HAUS6: variants seen among roughly 807,000 people sequenced by gnomAD.
The protein encoded by HAUS6 is HAUS augmin-like complex subunit 6.
A neutral mutation model predicts 106.8 loss-of-function variants in HAUS6; 80 were observed. The ratio of observed to expected loss-of-function variants is 0.75; its 90% CI spans 0.63 to 0.90. HAUS6 has a LOEUF of 0.90. Among genes scored for constraint, HAUS6 ranks in the 40% least tolerant of loss-of-function variants. HAUS6 has a pLI of 0.00. For missense variants in HAUS6, 1,155 were observed against 1,118.1 expected (o/e 1.03, Z -0.47); for synonymous variants, 356 against 379.1 (o/e 0.94, Z 0.71).
chr9:19,082,053 T>A (rs1421628250), intron 8 of HAUS6, among the ~76,000 whole-genome samples: 1 of 152,200 alleles, frequency 6.6e-6, no homozygotes, highest in Admixed American at 6.5e-5. Flanking sequence ...AATAACTGGA[T>A]GGAGTTTGGG....
At chr9:19,063,752 C>T (rs1481618275) in intron 12 of HAUS6, 172 bp from the exon 13 acceptor site, 2 of 753,418 alleles carry the variant, frequency 2.7e-6, no homozygotes, top group African/African-American at 3.4e-5. Context: ...ACAAGTAGAG[C>T]AGTATTTCAG....
At chr9:19,098,506 T>G (rs1817910903) in intron 1 of HAUS6, among the ~76,000 whole-genome samples, 1 of 151,890 alleles carries the variant, frequency 6.6e-6, no homozygotes, top group Non-Finnish European at 1.5e-5. Context: ...TATAGCCAGG[T>G]CCAATACAGT....
At chr9:19,060,619 A>C (rs1836591311) in intron 14 of HAUS6, among the ~76,000 whole-genome samples, 1 of 152,206 alleles carries the variant, frequency 6.6e-6, no homozygotes, top group South Asian at 2.1e-4. Context: ...CTCAATTATA[A>C]TCAATTTGGA....
chr9:19,064,195 G>T (rs191971280), intron 12 of HAUS6, among the ~76,000 whole-genome samples: 1 of 152,080 alleles, frequency 6.6e-6, no homozygotes, highest in Non-Finnish European at 1.5e-5. Context: ...TCAAACTCCC[G>T]ACCTCAGGTG....
In HAUS6 at chr9:19,089,452, T is replaced by C. The variant is rs900850080; in HGVS notation, c.544A>G (p.Arg182Gly). The change falls in exon 5 of 17, where the codon AGA (arginine) becomes GGA (glycine). Residue 182 changes from arginine (R) to glycine (G), a missense_variant. Transcript: ENST00000380502. ...ARSRFLQILQ[R>G]QDCVTQKYQE... ...TATTTTTGGGTAACACAATCTTGTC[T>C]TTGCAAAATTTGTAAAAATCTGCTA... 3 of 1,611,952 alleles carry C rather than the reference T, an allele frequency of 1.9e-6. No individual in the cohort carries two copies. Among genetic ancestry groups the C allele is most frequent in the East Asian group, 4.5e-5 (2 of 44,876 alleles).
Position 19,096,564 on chromosome 9 carries a change from C to CAAAAAAA in HAUS6, c.224+103_224+109dup, listed in dbSNP as rs370743421. 1.2e-3 allele frequency: 322 copies of CAAAAAAA among 269,274 alleles called. 1 individual carries two copies. Among genetic ancestry groups the CAAAAAAA allele is most frequent in the Middle Eastern group, 2.8e-3 (2 of 726 alleles). The allele number at this position is 269,274 out of a possible 1,614,324, so 16.7% of individuals were successfully genotyped here. A position where few individuals can be genotyped will look rare whatever the true frequency, so the allele number is the denominator to read the frequency against. On this transcript the variant is annotated intron_variant, in intron 2 of 16. Transcript: ENST00000380502. ...TCGATGACGGAGTGAGACTCCGTCT[C>CAAAAAAA]AAAAAAAAAAAAAAAAAAAAAAAAA...
chr9:19,100,957 G>A (rs1365665111), intron 1 of HAUS6, among the ~76,000 whole-genome samples: 1 of 152,008 alleles, frequency 6.6e-6, no homozygotes, highest in Non-Finnish European at 1.5e-5. Flanking sequence ...AAGGAGGGAG[G>A]AAGAGAAGTT....
At chr9:19,086,840 T>G in intron 6 of HAUS6, 58 bp from the exon 7 acceptor site, 1 of 757,274 alleles carries the variant, frequency 1.3e-6, no homozygotes, top group Non-Finnish European at 2.2e-6. Flanking sequence ...TAATTTAATA[T>G]CCAAAGAGCT....
intron 7 of HAUS6, among the ~76,000 whole-genome samples, chr9:19,083,566 G>A (rs1837212589): frequency 6.6e-6 from 1 of 152,060 alleles, no homozygotes; most frequent in African/African-American, 2.4e-5. Flanking sequence ...CCTTTGGGAG[G>A]CCGAGGCAAG....
At chr9:19,065,874 T>C (rs530878489) in intron 12 of HAUS6, among the ~76,000 whole-genome samples, 168 of 152,208 alleles carry the variant, frequency 1.1e-3, no homozygotes, top group African/African-American at 3.9e-3. Context: ...TTTTGTACTT[T>C]AGAATTCTGC....
At chr9:19,084,040 C>T (rs1274432235) in intron 7 of HAUS6, among the ~76,000 whole-genome samples, 1 of 124,448 alleles carries the variant, frequency 8.0e-6, no homozygotes, top group African/African-American at 3.4e-5. Context: ...CCCTTAAGCC[C>T]AGGATCCTTG....
intron 14 of HAUS6, among the ~76,000 whole-genome samples, chr9:19,061,871 T>C (rs1205503973): frequency 6.6e-6 from 1 of 152,164 alleles, no homozygotes; most frequent in Non-Finnish European, 1.5e-5. Context: ...TCCAGTTCTC[T>C]TATTTGGACA....
intron 14 of HAUS6, among the ~76,000 whole-genome samples, chr9:19,061,701 G>A (rs1007208324): frequency 2.6e-5 from 4 of 152,152 alleles, no homozygotes; most frequent in African/African-American, 9.7e-5. Context: ...CAGGCAAAGT[G>A]GTGCACGCCT....
At chr9:19,088,433 G>A (rs924233422) in intron 5 of HAUS6, among the ~76,000 whole-genome samples, 9 of 148,378 alleles carry the variant, frequency 6.1e-5, no homozygotes, top group African/African-American at 1.2e-4. Flanking sequence ...AAAAAAAATA[G>A]TAATACACTA....
intron 16 of HAUS6, chr9:19,057,735 G>T (rs551192437): frequency 3.8e-4 from 162 of 427,498 alleles, no homozygotes; most frequent in Non-Finnish European, 5.5e-4. Flanking sequence ...CAGATTGGGG[G>T]GGCTTTTTTT....
At chr9:19,056,459 T>C (rs1588590151) in intron 16 of HAUS6, 55 bp from the exon 17 acceptor site, 3 of 984,302 alleles carry the variant, frequency 3.0e-6, no homozygotes, top group Admixed American at 1.8e-5. Flanking sequence ...AAATAAACAA[T>C]AGATTCCAAG....
At chr9:19,096,487 C>T (rs1474666515) in intron 2 of HAUS6, among the ~76,000 whole-genome samples, 187 bp downstream of exon 2, 2 of 145,378 alleles carry the variant, frequency 1.4e-5, no homozygotes, top group African/African-American at 2.6e-5. Flanking sequence ...ATTTCTTGAA[C>T]CCAGGAGGCA....
chr9:19,083,788 C>T (rs1387877383), intron 7 of HAUS6, among the ~76,000 whole-genome samples: 1 of 132,940 alleles, frequency 7.5e-6, no homozygotes, highest in Non-Finnish European at 1.6e-5. Context: ...GGGGACAGAG[C>T]AAGACTCCAT....
chr9:19,092,531 C>CT (rs1817774252), intron 4 of HAUS6, among the ~76,000 whole-genome samples: 1 of 147,792 alleles, frequency 6.8e-6, no homozygotes, highest in Non-Finnish European at 1.5e-5. Flanking sequence ...AGGAGAATCG[C>CT]TTGAACCCAG....
Sources: gnomAD v4.1 joint callset for allele counts (sites outside exome capture counted in the v4.1 genomes callset) on GRCh38, gnomAD v4.1.1 for gene constraint, MANE v1.5 for transcripts, NCBI Gene and HGNC (gene_info 2026-07-23, HGNC 2026-07-21) for gene names.